Variants in TECPR2 observed in about 807,000 individuals in gnomAD.
The protein encoded by TECPR2 is tectonin beta-propeller repeat containing 2.
In TECPR2, 65 loss-of-function variants were observed where a neutral mutation model predicts 138.1. The observed-to-expected ratio is 0.47, with a 90% CI of 0.39 to 0.58. TECPR2 has a LOEUF of 0.58. TECPR2 is among the 20% of genes least tolerant of loss of function. The pLI is 0.00. For synonymous variants in TECPR2, 746 were observed against 749.8 expected (o/e 0.99, Z 0.08); for missense variants, 1,553 against 1,824.5 (o/e 0.85, Z 2.71).
At chr14:102,496,245 C>A (rs976246628) in intron 17 of TECPR2, among the ~76,000 whole-genome samples, 2 of 152,206 alleles carry the variant, frequency 1.3e-5, no homozygotes, top group African/African-American at 4.8e-5. Context: ...GCTCGGGTCA[C>A]CCACCAGCAC....
In TECPR2 at chr14:102,438,140, C is replaced by T. The variant is rs147312456; in HGVS notation, c.2513C>T (p.Pro838Leu). ...GGCGGCCTGTTCTGCAGCGCGTTGC[C>T]GGGCGCCGGGCTGCGCTGGCAGAAG... ...YKGGLFCSAL[P>L]GAGLRWQKFE... The change falls in exon 10 of 20, where the codon CCG becomes CTG. Residue 838 changes from proline (P) to leucine (L), a missense_variant. Physicochemically the swap from Pro to Leu is moderately conservative, Grantham distance 98. Transcript: ENST00000359520. 187 of 1,613,768 alleles carry T rather than the reference C, an allele frequency of 1.2e-4. 1 individual carries two copies. The African/African-American group carries it at 1.9e-3, about 16-fold the overall frequency.
chr14:102,476,553 G>A (rs898631721), intron 17 of TECPR2, among the ~76,000 whole-genome samples: 3 of 152,102 alleles, frequency 2.0e-5, no homozygotes, highest in South Asian at 2.1e-4. Context: ...AAGCCCAGAG[G>A]GAAAACAGGC....
intron 17 of TECPR2, among the ~76,000 whole-genome samples, chr14:102,486,225 G>A (rs982233666): frequency 2.6e-5 from 4 of 152,192 alleles, no homozygotes; most frequent in African/African-American, 9.7e-5. Context: ...AGTGGAGCCT[G>A]TTTCTGTCTG....
At chr14:102,435,266 T>G in intron 9 of TECPR2, 55 bp downstream of exon 9, 8 of 1,528,034 alleles carry the variant, frequency 5.2e-6, no homozygotes, top group Non-Finnish European at 7.0e-6. Flanking sequence ...TTAAGGGTAA[T>G]AATTGTCAAG....
intron 17 of TECPR2, among the ~76,000 whole-genome samples, chr14:102,493,031 G>A (rs552761838): frequency 3.9e-5 from 6 of 152,334 alleles, no homozygotes; most frequent in East Asian, 1.9e-4. Flanking sequence ...GCCTGCCACC[G>A]TGCTGCTTCC....
chr14:102,431,532 C>T (rs191563597), intron 7 of TECPR2, among the ~76,000 whole-genome samples: 136 of 152,038 alleles, frequency 8.9e-4, no homozygotes, highest in East Asian at 6.4e-3. Flanking sequence ...TTAGTAGAGA[C>T]GGGGTTTCAC....
In TECPR2 at chr14:102,434,560, G is replaced by T. The variant is rs1595123691; in HGVS notation, c.1743G>T (p.Leu581=). The change falls in exon 9 of 20, where the codon CTG becomes CTT. Residue 581 remains leucine (L), a synonymous_variant. Transcript: ENST00000359520. ...PHCHHAHGRE[L]LNGAREDVGG... is the part of the protein sequence containing the mutation. ...GTCACCATGCACATGGGCGGGAGCTGCTCAATGGAGCGAGGGAAGATGTGG... is the reference window on the plus strand; with the variant it reads ...GTCACCATGCACATGGGCGGGAGCTTCTCAATGGAGCGAGGGAAGATGTGG... The T allele has an allele frequency of 6.4e-7, 1 of 1,556,920 alleles. No homozygotes were observed. Among genetic ancestry groups the T allele is most frequent in the African/African-American group, 1.4e-5 (1 of 73,756 alleles).
intron 11 of TECPR2, among the ~76,000 whole-genome samples, chr14:102,442,023 G>T (rs552476576): frequency 6.6e-6 from 1 of 152,268 alleles, no homozygotes; most frequent in Non-Finnish European, 1.5e-5. Context: ...CTGTTGCCCA[G>T]GCTGGAGTGT....
intron 4 of TECPR2, among the ~76,000 whole-genome samples, chr14:102,410,450 T>C (rs1888800155): frequency 6.9e-6 from 1 of 144,780 alleles, no homozygotes; most frequent in African/African-American, 2.6e-5. Context: ...CACCCAAGAA[T>C]TATCAATAAA....
At chr14:102,425,765 A>G (rs2139717282) in intron 6 of TECPR2, among the ~76,000 whole-genome samples, 1 of 151,392 alleles carries the variant, frequency 6.6e-6, no homozygotes, top group East Asian at 1.9e-4. Flanking sequence ...TAGTAGAGAC[A>G]GGGTTTCACA....
intron 17 of TECPR2, among the ~76,000 whole-genome samples, chr14:102,483,162 C>A (rs1390607569): frequency 6.6e-6 from 1 of 152,016 alleles, no homozygotes. Context: ...AGAAGCCGTT[C>A]TAACACCTGA....
intron 17 of TECPR2, among the ~76,000 whole-genome samples, chr14:102,487,627 C>T (rs181168175): frequency 3.4e-4 from 52 of 152,142 alleles, no homozygotes; most frequent in Non-Finnish European, 5.7e-4. Flanking sequence ...CTGCAAGCTC[C>T]GCCTCCCAGG....
At chr14:102,497,224 G>A (rs1891307790) in intron 18 of TECPR2, 104 bp downstream of exon 18, 1 of 1,477,212 alleles carries the variant, frequency 6.8e-7, no homozygotes. Flanking sequence ...GGCAGCCTTT[G>A]TGCTGGGGCT....
intron 2 of TECPR2, among the ~76,000 whole-genome samples, chr14:102,387,104 A>T (rs182466778): frequency 2.4e-4 from 36 of 152,280 alleles, no homozygotes; most frequent in Admixed American, 2.2e-3. Flanking sequence ...GAAGATAAAT[A>T]AAAAAGTTTA....
chr14:102,405,987 G>C (rs976397514), intron 2 of TECPR2, among the ~76,000 whole-genome samples: 2 of 151,192 alleles, frequency 1.3e-5, no homozygotes, highest in South Asian at 2.1e-4. Flanking sequence ...TCAAAATCAC[G>C]GTAAAAGGAA....
chr14:102,449,064 C>T (rs1174890515), intron 13 of TECPR2, among the ~76,000 whole-genome samples: 1 of 152,188 alleles, frequency 6.6e-6, no homozygotes. Flanking sequence ...AAGTTCAAGA[C>T]CAGCCCTGGG....
intron 17 of TECPR2, among the ~76,000 whole-genome samples, chr14:102,482,995 T>C (rs8011181): frequency 0.7 from 106,046 of 150,726 alleles, 38,023 homozygotes; most frequent in African/African-American, 0.84. Context: ...AGGCGCCCGC[T>C]ACCACGCCTG....
chr14:102,407,326 A>G lies in TECPR2; in HGVS notation c.220-12A>G, dbSNP rs760000619. On this transcript the variant is annotated splice_polypyrimidine_tract_variant and intron_variant, in intron 2 of 19. Coordinates refer to ENST00000359520, the MANE Select transcript of TECPR2 (RefSeq NM_014844.5). ...ATAGTTACAGATTCATTTGTTTTCA[A>G]CGTTTCCCCAGGGGAAGACGGAATC... is the stretch of plus-strand genomic sequence containing the variant. 6.9e-6 allele frequency: 11 copies of G among 1,586,440 alleles called. No homozygotes were observed. The highest frequency in any genetic ancestry group is 9.4e-6 in the Non-Finnish European group (11 of 1,169,246).
At chr14:102,451,527 CACAT>C (rs1304811739) in intron 15 of TECPR2, among the ~76,000 whole-genome samples, 1 of 152,156 alleles carries the variant, frequency 6.6e-6, no homozygotes, top group East Asian at 1.9e-4. Flanking sequence ...GACCGGATCT[CACAT>C]AGCTGCCTCC....
Sources: gnomAD v4.1 joint callset for allele counts (sites outside exome capture counted in the v4.1 genomes callset) on GRCh38, gnomAD v4.1.1 for gene constraint, MANE v1.5 for transcripts, NCBI Gene and HGNC (gene_info 2026-07-23, HGNC 2026-07-21) for gene names.